Variants in WWOX observed in about 807,000 individuals in gnomAD.
The protein encoded by WWOX is WW domain-containing oxidoreductase.
Under a neutral mutation model 46.2 loss-of-function variants are expected in WWOX, and 69 were observed. That is an observed-to-expected ratio of 1.49 (90% CI 1.23 to 1.82). The LOEUF (loss-of-function observed/expected upper bound fraction) is 1.82, where lower values mean the gene tolerates loss of function less well. WWOX is among the 40% of genes most tolerant of loss of function. The probability of loss-of-function intolerance (pLI) is 0.00; values close to 1 mark genes in which losing one functional copy is unlikely to be tolerated. For missense variants in WWOX, 919 were observed against 542.6 expected, an observed-to-expected ratio of 1.69 and a Z score of -6.89; for synonymous variants, 359 against 202.6, an observed-to-expected ratio of 1.77 and a Z score of -6.56.
At chr16:78,959,008 G>A in intron 8 of WWOX, among the ~76,000 whole-genome samples, 1 of 152,138 alleles carries the variant, frequency 6.6e-6, no homozygotes, top group Non-Finnish European at 1.5e-5. Flanking sequence ...TGAAAAAAGG[G>A]AGTTCTATAA....
intron 5 of WWOX, among the ~76,000 whole-genome samples, chr16:78,239,497 C>T (rs898071242): frequency 1.3e-5 from 2 of 152,166 alleles, no homozygotes; most frequent in African/African-American, 2.4e-5. Context: ...CCTCTATCCC[C>T]TCTGTTCTTG....
chr16:78,778,175 A>C (rs1343195835), intron 8 of WWOX, among the ~76,000 whole-genome samples: 1 of 152,136 alleles, frequency 6.6e-6, no homozygotes, highest in Non-Finnish European at 1.5e-5. Flanking sequence ...TTAGCTTTAT[A>C]GTTAAATCAG....
chr16:78,736,055 G>C (rs1010166353), intron 8 of WWOX, among the ~76,000 whole-genome samples: 1 of 152,188 alleles, frequency 6.6e-6, no homozygotes, highest in Non-Finnish European at 1.5e-5. Context: ...GATGAAGACA[G>C]GGATTCGGCT....
intron 5 of WWOX, among the ~76,000 whole-genome samples, chr16:78,189,820 A>G (rs1303271018): frequency 2.6e-5 from 4 of 152,020 alleles, no homozygotes; most frequent in Non-Finnish European, 4.4e-5. Flanking sequence ...ACGCTCAGCT[A>G]ATTTTTGTAT....
chr16:78,395,972 C>A (rs7185632), intron 6 of WWOX, among the ~76,000 whole-genome samples: 1 of 151,902 alleles, frequency 6.6e-6, no homozygotes, highest in African/African-American at 2.4e-5. Flanking sequence ...AAGTGAGGTA[C>A]AGCAGGACAC....
At chr16:79,195,371 A>G (rs1425475622) in intron 8 of WWOX, among the ~76,000 whole-genome samples, 3 of 152,176 alleles carry the variant, frequency 2.0e-5, no homozygotes, top group Non-Finnish European at 4.4e-5. Context: ...ATTATTCTTC[A>G]GAGATGCAAG....
At chr16:78,246,088 C>T (rs865962609) in intron 5 of WWOX, among the ~76,000 whole-genome samples, 6 of 152,110 alleles carry the variant, frequency 3.9e-5, no homozygotes, top group Admixed American at 1.3e-4. Context: ...CAGATCATCC[C>T]GCTCCCCACC....
At chr16:79,025,709 A>C (rs2151389665) in intron 8 of WWOX, among the ~76,000 whole-genome samples, 1 of 152,120 alleles carries the variant, frequency 6.6e-6, no homozygotes, top group Middle Eastern at 3.4e-3. Context: ...GGAAACTAAT[A>C]TACCCTTTAA....
chr16:78,134,776 A>C (rs556043634), intron 4 of WWOX, among the ~76,000 whole-genome samples: 2 of 152,214 alleles, frequency 1.3e-5, no homozygotes, highest in African/African-American at 4.8e-5. Context: ...TTAAGAGTAT[A>C]ACGTTGGTTT....
At chr16:78,885,785 C>G (rs547735820) in intron 8 of WWOX, among the ~76,000 whole-genome samples, 1 of 151,920 alleles carries the variant, frequency 6.6e-6, no homozygotes, top group Admixed American at 6.6e-5. Flanking sequence ...ATAGAAGGAT[C>G]GGATTCTTCC....
intron 8 of WWOX, among the ~76,000 whole-genome samples, chr16:78,989,874 C>T (rs920376794): frequency 7.6e-6 from 1 of 131,496 alleles, no homozygotes; most frequent in Admixed American, 7.5e-5. Flanking sequence ...GAGAGAGAGA[C>T]AGATGGAGGG....
chr16:78,431,921 G>A (rs1004181575), intron 7 of WWOX, among the ~76,000 whole-genome samples: 1 of 152,034 alleles, frequency 6.6e-6, no homozygotes, highest in Non-Finnish European at 1.5e-5. Context: ...TCCCTATGTT[G>A]CCTAAGCTGG....
chr16:78,411,785 C>G lies in WWOX; in HGVS notation c.606-13085C>G, dbSNP rs866109334. On this transcript the variant is annotated intron_variant, in intron 6 of 8. Transcript: ENST00000566780. ...CACCTAAAAGGAACAGAGCTAGAAA[C>G]ATGGAGTGACATGAAGTCATTGTCT... Among the ~76,000 whole-genome samples the G allele has an allele frequency of 4.6e-5, 7 of 152,146 alleles. No homozygotes were observed. The South Asian group carries it at 6.2e-4, about 14-fold the overall frequency.
chr16:78,582,477 CCTACATTCT>C (rs1370632720), intron 8 of WWOX, among the ~76,000 whole-genome samples: 1 of 152,116 alleles, frequency 6.6e-6, no homozygotes, highest in African/African-American at 2.4e-5. Flanking sequence ...GATTGGCTTG[CCTACATTCT>C]CTTTTGGTGT....
chr16:78,876,196 GT>G (rs1385033006), intron 8 of WWOX, among the ~76,000 whole-genome samples: 1 of 143,416 alleles, frequency 7.0e-6, no homozygotes, highest in East Asian at 2.0e-4. Flanking sequence ...AACACTTAAG[GT>G]TTTTTTCCTT....
At chr16:78,366,637 T>C (rs1655197084) in intron 5 of WWOX, among the ~76,000 whole-genome samples, 1 of 152,246 alleles carries the variant, frequency 6.6e-6, no homozygotes, top group South Asian at 2.1e-4. Context: ...TACCAGTTAA[T>C]TTATATCTCG....
At chr16:78,286,105 C>A (rs374568173) in intron 5 of WWOX, among the ~76,000 whole-genome samples, 1 of 152,166 alleles carries the variant, frequency 6.6e-6, no homozygotes, top group Non-Finnish European at 1.5e-5. Context: ...AATCTGCTAA[C>A]GGAAATATTT....
intron 8 of WWOX, among the ~76,000 whole-genome samples, chr16:78,938,753 C>T (rs1248358888): frequency 6.6e-6 from 1 of 151,974 alleles, no homozygotes; most frequent in Non-Finnish European, 1.5e-5. Flanking sequence ...GAGCAAGATA[C>T]AGGAGAGAAG....
chr16:78,739,199 C>G (rs962830876), intron 8 of WWOX, among the ~76,000 whole-genome samples: 1 of 152,056 alleles, frequency 6.6e-6, no homozygotes, highest in Non-Finnish European at 1.5e-5. Flanking sequence ...CTTAAGTACC[C>G]GGCTAAAATT....
Sources: allele counts gnomAD v4.1 joint callset (sites outside exome capture counted in the v4.1 genomes callset), GRCh38; gene constraint gnomAD v4.1.1; transcripts MANE v1.5; gene names NCBI Gene and HGNC (gene_info 2026-07-23, HGNC 2026-07-21).